Variants in PLEKHA5 observed in about 807,000 individuals in gnomAD.
PLEKHA5 encodes pleckstrin homology domain-containing family A member 5.
In PLEKHA5, 55 loss-of-function variants were observed where a neutral mutation model predicts 181.9. The ratio of observed to expected loss-of-function variants is 0.30; its 90% CI spans 0.24 to 0.38. PLEKHA5 has a LOEUF of 0.38. Among genes scored for constraint, PLEKHA5 ranks in the 10% least tolerant of loss-of-function variants. The pLI is 1.00. For missense variants in PLEKHA5, 1,432 were observed against 1,549.5 expected, an observed-to-expected ratio of 0.92 and a Z score of 1.27; for synonymous variants, 535 against 529.4, an observed-to-expected ratio of 1.01 and a Z score of -0.15.
intron 25 of PLEKHA5, 80 bp from the exon 26 acceptor site, chr12:19,353,804 G>A (rs2094747654): frequency 1.3e-6 from 1 of 754,714 alleles, no homozygotes; most frequent in Non-Finnish European, 2.3e-6. Context: ...TTTAAAAAGT[G>A]TCAGAAATTA....
At chr12:19,315,658 T>G (rs2088342902) in intron 16 of PLEKHA5, among the ~76,000 whole-genome samples, 1 of 152,138 alleles carries the variant, frequency 6.6e-6, no homozygotes, top group Admixed American at 6.6e-5. Context: ...CTCAAATTAC[T>G]CTGGCGTATG....
intron 20 of PLEKHA5, among the ~76,000 whole-genome samples, chr12:19,331,889 G>A (rs1313786079): frequency 9.9e-5 from 15 of 152,078 alleles, no homozygotes. Flanking sequence ...CCCCAGCATG[G>A]TGGTGTGCAC....
intron 3 of PLEKHA5, among the ~76,000 whole-genome samples, chr12:19,147,880 C>T (rs955698574): frequency 1.6e-4 from 25 of 151,630 alleles, no homozygotes; most frequent in African/African-American, 1.2e-4. Flanking sequence ...GGGACCAAGG[C>T]GTGTGCCACC....
chr12:19,308,784 C>T (rs1227554305), intron 15 of PLEKHA5, among the ~76,000 whole-genome samples: 1 of 152,178 alleles, frequency 6.6e-6, no homozygotes, highest in Admixed American at 6.5e-5. Context: ...CAGTGGCTCA[C>T]CCCTGTAATT....
intron 3 of PLEKHA5, among the ~76,000 whole-genome samples, chr12:19,187,128 G>T (rs900059510): frequency 6.6e-6 from 1 of 152,162 alleles, no homozygotes; most frequent in Non-Finnish European, 1.5e-5. Context: ...TTAGAAACAA[G>T]TTAACATATG....
intron 3 of PLEKHA5, among the ~76,000 whole-genome samples, chr12:19,211,991 A>T (rs1398291136): frequency 1.3e-5 from 2 of 152,152 alleles, no homozygotes; most frequent in East Asian, 3.9e-4. Flanking sequence ...TGGTGGTGTG[A>T]ACTTCAGCAT....
chr12:19,360,052 CTG>C (rs1482078637), intron 28 of PLEKHA5, among the ~76,000 whole-genome samples: 1 of 152,006 alleles, frequency 6.6e-6, no homozygotes, highest in Non-Finnish European at 1.5e-5. Flanking sequence ...CATTAATTGA[CTG>C]GGCACGGTGG....
chr12:19,191,489 C>T (rs1178613694), intron 3 of PLEKHA5, among the ~76,000 whole-genome samples: 2 of 152,182 alleles, frequency 1.3e-5, no homozygotes, highest in African/African-American at 2.4e-5. Context: ...GTCCCCTAAA[C>T]TCATCTTATT....
At chr12:19,265,989 T>C (rs2070231996) in intron 8 of PLEKHA5, 139 bp downstream of exon 8, 1 of 457,604 alleles carries the variant, frequency 2.2e-6, no homozygotes, top group Non-Finnish European at 3.8e-6. Flanking sequence ...GGTCTTATGG[T>C]TGTATAGAAG....
At chr12:19,155,995 A>G (rs970503867) in intron 3 of PLEKHA5, among the ~76,000 whole-genome samples, 30 of 152,176 alleles carry the variant, frequency 2.0e-4, no homozygotes, top group African/African-American at 7.0e-4. Context: ...AGAGAAGGTA[A>G]TTTTTATAAT....
rs532242171 is a variant in PLEKHA5 at position 19,327,400 on chromosome 12, GTC to G, written c.2448+4735_2448+4736del. Among the ~76,000 whole-genome samples the G allele has an allele frequency of 1.3e-4, 19 of 151,690 alleles. No individual in the cohort carries two copies. In the East Asian group the frequency reaches 3.7e-3, roughly 29 times the overall value. On this transcript the variant is annotated intron_variant, in intron 20 of 31. Coordinates refer to ENST00000429027, the MANE Select transcript of PLEKHA5 (RefSeq NM_001256470.2). ...GCCACTTGTATGTCTTCCTTTAAGT[GTC>G]TGTTCATGTCTTTTGCCCATTTTTT...
chr12:19,165,214 G>T (rs1278298168), intron 3 of PLEKHA5, among the ~76,000 whole-genome samples: 2 of 152,148 alleles, frequency 1.3e-5, no homozygotes, highest in African/African-American at 4.8e-5. Flanking sequence ...ATATATTGCA[G>T]GTCTTCAAAG....
At chr12:19,209,761 C>T (rs963285846) in intron 3 of PLEKHA5, among the ~76,000 whole-genome samples, 2 of 152,160 alleles carry the variant, frequency 1.3e-5, no homozygotes, top group South Asian at 2.1e-4. Context: ...ATCACAGCAA[C>T]GATTTTGAAA....
At position 19,353,948 on chromosome 12, in the gene PLEKHA5, A is replaced by G. The variant is rs2094755088; in HGVS notation, c.3084A>G (p.Thr1028=). The G allele has an allele frequency of 1.9e-6, 3 of 1,611,092 alleles. No homozygotes were observed. Among genetic ancestry groups the G allele is most frequent in the Non-Finnish European group, 2.5e-6 (3 of 1,177,388 alleles). The stretch of plus-strand genomic sequence containing the variant: ...AATCACCAACACCCGAATCTTCGAC[A>G]ATAGCTTCCTATGTAACCTTGAGGA... ...RAKSPTPESS[T]IASYVTLRKT... Residue 1028 remains threonine, a synonymous_variant, in exon 26 of 32, where the codon ACA becomes ACG. Coordinates refer to ENST00000429027, the MANE Select transcript of PLEKHA5 (RefSeq NM_001256470.2).
At chr12:19,154,900 C>G (rs2041317928) in intron 3 of PLEKHA5, among the ~76,000 whole-genome samples, 1 of 152,114 alleles carries the variant, frequency 6.6e-6, no homozygotes, top group Non-Finnish European at 1.5e-5. Context: ...CCAGCAATGT[C>G]TAATGATGTT....
intron 3 of PLEKHA5, among the ~76,000 whole-genome samples, chr12:19,206,585 G>A (rs2055591636): frequency 6.6e-6 from 1 of 151,982 alleles, no homozygotes; most frequent in African/African-American, 2.4e-5. Flanking sequence ...GTGGGGGGTG[G>A]GAACGATAGG....
Position 19,130,635 on chromosome 12 carries a change from C to G in PLEKHA5, c.169+505C>G, listed in dbSNP as rs1006277823. The G allele has an allele frequency of 2.0e-5, 3 of 152,468 alleles. No homozygotes were observed. Among genetic ancestry groups the G allele is most frequent in the African/African-American group, 4.8e-5 (2 of 41,444 alleles). 9.4% of individuals were successfully genotyped at this position (152,468 alleles called of 1,614,324 possible). Reference sequence around the variant, plus strand: ...TCCTCCCAGGAGCGCTGCCTCCTGCCGTGCAGCTTCCTCCTCCTAGGTGGG... The same window carrying G: ...TCCTCCCAGGAGCGCTGCCTCCTGCGGTGCAGCTTCCTCCTCCTAGGTGGG... On this transcript the variant is annotated intron_variant, in intron 2 of 31. Coordinates refer to ENST00000429027, the MANE Select transcript of PLEKHA5 (RefSeq NM_001256470.2). The surrounding 1 kb of genome is among the most constrained non-coding windows in gnomAD (Gnocchi z 4.5).
intron 15 of PLEKHA5, among the ~76,000 whole-genome samples, chr12:19,297,370 C>G (rs2080106474): frequency 6.6e-6 from 1 of 151,540 alleles, no homozygotes; most frequent in African/African-American, 2.4e-5. Context: ...CGCCTGTAAT[C>G]CCAGCACTTT....
intron 11 of PLEKHA5, among the ~76,000 whole-genome samples, chr12:19,279,417 CT>C (rs1462149729): frequency 2.6e-5 from 4 of 152,034 alleles, no homozygotes; most frequent in Non-Finnish European, 4.4e-5. Flanking sequence ...AATCCTGGCA[CT>C]TTGGGAGGCC....
Sources: gnomAD v4.1 joint callset for allele counts (sites outside exome capture counted in the v4.1 genomes callset) on GRCh38, gnomAD v4.1.1 for gene constraint, Gnocchi (gnomAD v3.1) non-coding constraint, MANE v1.5 for transcripts, NCBI Gene and HGNC (gene_info 2026-07-23, HGNC 2026-07-21) for gene names.